Variants in ADCY7 observed in about 807,000 individuals in gnomAD.
ADCY7 encodes adenylate cyclase 7, also known as adenylate cyclase type 7.
A neutral mutation model predicts 120.6 loss-of-function variants in ADCY7; 72 were observed. That is an observed-to-expected ratio of 0.60 (90% CI 0.49 to 0.73). The LOEUF (loss-of-function observed/expected upper bound fraction) is 0.73, where lower values mean the gene tolerates loss of function less well. Among genes scored for constraint, ADCY7 ranks in the 30% least tolerant of loss-of-function variants. The pLI is 0.00. For synonymous variants in ADCY7, 661 were observed against 628.0 expected (o/e 1.05, Z -0.78); for missense variants, 1,227 against 1,486.0 (o/e 0.83, Z 2.87).
Position 50,311,732 on chromosome 16 carries a change from G to A in ADCY7, c.2394G>A (p.Met798Ile), listed in dbSNP as rs2036476542. 2.5e-6 allele frequency: 4 copies of A among 1,600,626 alleles called. No individual in the cohort carries two copies. The highest frequency in any genetic ancestry group is 2.6e-6 in the Non-Finnish European group (3 of 1,175,344). The part of the protein sequence containing the change: ...PSCSWKDLKT[M>I]TNFYLVLFYI... ...GTTCCTGGAAGGACCTGAAGACCAT[G>A]ACCAATTTCTACCTGGTCCTGTTCT... Residue 798 changes from methionine (M) to isoleucine (I), a missense_variant, in exon 20 of 26, where the codon ATG (methionine) becomes ATA (isoleucine). Coordinates refer to ENST00000673801, the MANE Select transcript of ADCY7 (RefSeq NM_001114.5).
chr16:50,251,701 C>G (rs942961345), intron 1 of ADCY7, among the ~76,000 whole-genome samples: 1 of 152,234 alleles, frequency 6.6e-6, no homozygotes, highest in African/African-American at 2.4e-5. Flanking sequence ...AGGGTGGCGC[C>G]TCACCCAGAG....
At chr16:50,304,168 G>A (rs1405913830) in intron 10 of ADCY7, among the ~76,000 whole-genome samples, 192 bp from the exon 11 acceptor site, 9 of 152,170 alleles carry the variant, frequency 5.9e-5, no homozygotes, top group Non-Finnish European at 4.4e-5. Context: ...AGTGCACCAG[G>A]CTTTGGCTGG....
chr16:50,286,483 G>A (rs955802932), intron 1 of ADCY7, among the ~76,000 whole-genome samples: 6 of 150,572 alleles, frequency 4.0e-5, no homozygotes, highest in African/African-American at 1.2e-4. Flanking sequence ...GGAGCTTACT[G>A]TAACACAGAT....
rs2034710980 is a variant in ADCY7 at position 50,288,324 on chromosome 16, C to T, written c.145C>T (p.Leu49Phe). The change falls in exon 2 of 26, where the codon CTC becomes TTC. Residue 49 changes from leucine to phenylalanine, a missense_variant. Leu to Phe is a conservative substitution (Grantham distance 22). Coordinates refer to ENST00000673801, the MANE Select transcript of ADCY7 (RefSeq NM_001114.5). ...GGTGGCCGCCACTGCCTGCGTGGCC[C>T]TCATCATCATTGCCTTCAGCCAGGG... is the stretch of plus-strand genomic sequence containing the variant. ...LLVAATACVALIIIAFSQGDP... is the reference protein window; with the variant it reads ...LLVAATACVAFIIIAFSQGDP... The T allele has an allele frequency of 6.5e-7, 1 of 1,549,908 alleles. No homozygotes were observed. The highest frequency in any genetic ancestry group is 8.7e-7 in the Non-Finnish European group (1 of 1,146,172).
rs1311736051 is a variant in ADCY7 at position 50,288,102 on chromosome 16, G to T, written c.-78G>T. The T allele has an allele frequency of 2.1e-6, 3 of 1,461,254 alleles. No individual in the cohort carries two copies. In the East Asian group the frequency reaches 7.5e-5, roughly 37 times the overall value. 90.5% of individuals were successfully genotyped at this position (1,461,254 alleles called of 1,614,324 possible). ...CAGAGGCCTAGGCCCACGGGGGAGG[G>T]TGTTGGCAGACAGATGCCCTCCAGG... On this transcript the variant is annotated 5_prime_UTR_variant, in exon 2 of 26. Transcript: ENST00000673801.
intron 18 of ADCY7, 98 bp from the exon 19 acceptor site, chr16:50,310,589 C>A (rs2036391525): frequency 1.3e-6 from 2 of 1,590,886 alleles, no homozygotes; most frequent in East Asian, 4.6e-5. Flanking sequence ...GAGCGTGATG[C>A]TGAGGTGCAG....
At chr16:50,306,387 C>A (rs1207411050) in intron 14 of ADCY7, among the ~76,000 whole-genome samples, 2 of 152,210 alleles carry the variant, frequency 1.3e-5, no homozygotes, top group Non-Finnish European at 2.9e-5. Context: ...GGCTTCAGAG[C>A]CTGTCCCCAG....
intron 1 of ADCY7, chr16:50,274,211 C>G (rs775280204): frequency 6.6e-6 from 1 of 152,112 alleles, no homozygotes; most frequent in East Asian, 1.9e-4. Context: ...GAGCAGAGAT[C>G]GGGCTTGGTG....
intron 1 of ADCY7, among the ~76,000 whole-genome samples, chr16:50,273,256 G>A (rs147017772): frequency 6.6e-6 from 1 of 152,322 alleles, no homozygotes; most frequent in African/African-American, 2.4e-5. Context: ...GAGAGGTTCA[G>A]GAACATGCCC....
chr16:50,312,781 G>A lies in ADCY7; in HGVS notation c.2605-109G>A, dbSNP rs576210408. 330 of 1,056,936 alleles carry A rather than the reference G, an allele frequency of 3.1e-4. No homozygotes were observed. In the African/African-American group the frequency reaches 4.5e-3, roughly 14 times the overall value. 65.5% of individuals were successfully genotyped at this position (1,056,936 alleles called of 1,614,324 possible). A position where few individuals can be genotyped will look rare whatever the true frequency, so the allele number is the denominator to read the frequency against. ...CAGCCCGCCCCCCTCCCCACTCCCC[G>A]AAAGCTGGGCTGGGCAGTTCAGCAG... On this transcript the variant is annotated intron_variant, in intron 21 of 25. Coordinates refer to ENST00000673801, the MANE Select transcript of ADCY7 (RefSeq NM_001114.5).
At chr16:50,255,402 G>GAAAAAAAAAAAAAAAAAA (rs60335173) in intron 1 of ADCY7, among the ~76,000 whole-genome samples, 7 of 108,136 alleles carry the variant, frequency 6.5e-5, no homozygotes, top group African/African-American at 2.6e-4. Context: ...TCTGTTTCTG[G>GAAAAAAAAAAAAAAAAAA]AAAAAAAAAA....
intron 17 of ADCY7, 98 bp downstream of exon 17, chr16:50,308,890 C>G (rs371491462): frequency 1.4e-6 from 2 of 1,434,634 alleles, no homozygotes; most frequent in East Asian, 4.8e-5. Flanking sequence ...TCTGGTTGTC[C>G]TCTCCCCCGA....
At chr16:50,269,091 C>T (rs2033396886) in intron 1 of ADCY7, among the ~76,000 whole-genome samples, 1 of 152,188 alleles carries the variant, frequency 6.6e-6, no homozygotes, top group Non-Finnish European at 1.5e-5. Context: ...GATGGTTGCA[C>T]TGGGGACATG....
intron 1 of ADCY7, among the ~76,000 whole-genome samples, chr16:50,282,176 A>G (rs2034313843): frequency 6.6e-6 from 1 of 152,234 alleles, no homozygotes; most frequent in Non-Finnish European, 1.5e-5. Context: ...GTTTCTGCCA[A>G]CAGTGGCCGG....
At chr16:50,253,883 G>A (rs1271103802) in intron 1 of ADCY7, among the ~76,000 whole-genome samples, 1 of 152,150 alleles carries the variant, frequency 6.6e-6, no homozygotes, top group South Asian at 2.1e-4. Context: ...CAGCAGGAGG[G>A]GACCTCAGGA....
chr16:50,314,416 G>A lies in ADCY7; in HGVS notation c.2971+10G>A. On this transcript the variant is annotated intron_variant, in intron 24 of 25. Coordinates refer to ENST00000673801, the MANE Select transcript of ADCY7 (RefSeq NM_001114.5). ...TTCCGCCTCCGCGTCGGTGAGCCCGGGTGATGGAGCGGGGTGGGGAGCCCC... is the reference window on the plus strand; with the variant it reads ...TTCCGCCTCCGCGTCGGTGAGCCCGAGTGATGGAGCGGGGTGGGGAGCCCC... The A allele has an allele frequency of 6.2e-7, 1 of 1,611,014 alleles. No individual in the cohort carries two copies.
Position 50,275,228 on chromosome 16 carries a change from C to T in ADCY7, c.-269+8548C>T, listed in dbSNP as rs142220370. Among the ~76,000 whole-genome samples the T allele has an allele frequency of 5.9e-3, 906 of 152,328 alleles. 11 individuals are homozygous for T. Among genetic ancestry groups the T allele is most frequent in the Non-Finnish European group, 9.7e-3 (661 of 68,012 alleles). Reference sequence around the variant, plus strand: ...GGGAGGCTAAGCTCAGGGTAGGTGTCCTGGCCCACAGGCAGGTGCATGGGC... The same window carrying T: ...GGGAGGCTAAGCTCAGGGTAGGTGTTCTGGCCCACAGGCAGGTGCATGGGC... On this transcript the variant is annotated intron_variant, in intron 1 of 25. Coordinates refer to ENST00000673801, the MANE Select transcript of ADCY7 (RefSeq NM_001114.5).
At chr16:50,250,449 T>C (rs1373647642) in intron 1 of ADCY7, among the ~76,000 whole-genome samples, 2 of 121,768 alleles carry the variant, frequency 1.6e-5, no homozygotes, top group African/African-American at 6.7e-5. Flanking sequence ...AAAGCAAGAC[T>C]CTATCTCAAA....
chr16:50,288,383 C>T (rs759080085), intron 2 of ADCY7, 33 bp downstream of exon 2: 19 of 1,503,776 alleles, frequency 1.3e-5, no homozygotes, highest in African/African-American at 8.4e-5. Context: ...CTTCACGTCT[C>T]GGCCCCAACC....
Sources: gnomAD v4.1 joint callset for allele counts (sites outside exome capture counted in the v4.1 genomes callset) on GRCh38, gnomAD v4.1.1 for gene constraint, MANE v1.5 for transcripts, NCBI Gene and HGNC (gene_info 2026-07-23, HGNC 2026-07-21) for gene names.